Variants in RBFOX1 observed in about 807,000 individuals in gnomAD.
The protein encoded by RBFOX1 is RNA binding fox-1 homolog 1.
Under a neutral mutation model 57.7 loss-of-function variants are expected in RBFOX1, and 8 were observed. That is an observed-to-expected ratio of 0.14 (90% CI 0.08 to 0.25). The LOEUF is 0.25. RBFOX1 is among the 10% of genes least tolerant of loss of function. The pLI is 1.00. For missense variants in RBFOX1, 611 were observed against 548.5 expected (o/e 1.11, Z -1.14); for synonymous variants, 326 against 222.4 (o/e 1.47, Z -4.15).
intron 1 of RBFOX1, among the ~76,000 whole-genome samples, chr16:5,269,217 A>C (rs183637657): frequency 6.6e-6 from 1 of 152,290 alleles, no homozygotes; most frequent in Non-Finnish European, 1.5e-5. Context: ...GCACCAGGCC[A>C]ATTTTCTGTA....
intron 1 of RBFOX1, among the ~76,000 whole-genome samples, chr16:6,121,837 G>A (rs1249608926): frequency 1.3e-5 from 2 of 152,170 alleles, no homozygotes; most frequent in Non-Finnish European, 2.9e-5. Context: ...GGATGACTGT[G>A]GGATTAAGTG....
At chr16:7,564,182 C>T (rs1424967648) in intron 5 of RBFOX1, among the ~76,000 whole-genome samples, 2 of 152,066 alleles carry the variant, frequency 1.3e-5, no homozygotes, top group African/African-American at 4.8e-5. Context: ...CCCGATGAGA[C>T]AGTATCCATA....
chr16:6,085,891 C>T (rs2096076274), intron 1 of RBFOX1, among the ~76,000 whole-genome samples: 1 of 152,090 alleles, frequency 6.6e-6, no homozygotes, highest in East Asian at 1.9e-4. Context: ...TAAACGTGTG[C>T]TGTGGTGGTT....
intron 3 of RBFOX1, among the ~76,000 whole-genome samples, chr16:6,803,843 A>G (rs2086071649): frequency 6.6e-6 from 1 of 152,122 alleles, no homozygotes; most frequent in Non-Finnish European, 1.5e-5. Context: ...TTTTTCCTAA[A>G]GAACTCCTTT....
chr16:5,477,505 C>T (rs1348660490), intron 2 of RBFOX1, among the ~76,000 whole-genome samples: 2 of 152,204 alleles, frequency 1.3e-5, no homozygotes, highest in Admixed American at 1.3e-4. Flanking sequence ...AACGATCTTA[C>T]TTTGCATAAG....
At chr16:5,617,883 A>G (rs2048084542) in intron 3 of RBFOX1, among the ~76,000 whole-genome samples, 1 of 152,176 alleles carries the variant, frequency 6.6e-6, no homozygotes, top group Admixed American at 6.5e-5. Context: ...TATCTGTGAC[A>G]TTATGAAAGG....
intron 2 of RBFOX1, among the ~76,000 whole-genome samples, chr16:6,563,251 A>T (rs969056990): frequency 1.3e-5 from 2 of 152,182 alleles, no homozygotes; most frequent in Non-Finnish European, 2.9e-5. Context: ...TGCAACACGC[A>T]TGAGATTTAG....
intron 12 of RBFOX1, among the ~76,000 whole-genome samples, chr16:7,658,435 C>T (rs2066867127): frequency 6.6e-6 from 1 of 151,978 alleles, no homozygotes; most frequent in Non-Finnish European, 1.5e-5. Flanking sequence ...TGCATTTGAT[C>T]CTGGACTCAA....
At chr16:6,415,959 T>G (rs2093613540) in intron 2 of RBFOX1, among the ~76,000 whole-genome samples, 1 of 152,250 alleles carries the variant, frequency 6.6e-6, no homozygotes, top group Non-Finnish European at 1.5e-5. Flanking sequence ...TGTTTCCTTG[T>G]GCTTGTCACA....
chr16:6,848,381 C>A (rs890916070), intron 3 of RBFOX1, among the ~76,000 whole-genome samples: 1 of 152,052 alleles, frequency 6.6e-6, no homozygotes, highest in Non-Finnish European at 1.5e-5. Context: ...GAATGTTAGT[C>A]ACTAATACAA....
intron 4 of RBFOX1, among the ~76,000 whole-genome samples, chr16:7,355,156 T>C (rs1427160610): frequency 6.6e-6 from 1 of 152,182 alleles, no homozygotes. Context: ...TGTCAATTGC[T>C]GAAGTCCCAG....
intron 2 of RBFOX1, among the ~76,000 whole-genome samples, chr16:6,433,846 C>CTTTTTTT (rs201617630): frequency 3.1e-4 from 39 of 127,106 alleles, no homozygotes; most frequent in Non-Finnish European, 4.4e-4. Context: ...TTTCATTTTT[C>CTTTTTTT]TTTTTTTTTT....
At chr16:5,733,415 A>C (rs1469225110) in intron 3 of RBFOX1, among the ~76,000 whole-genome samples, 1 of 151,962 alleles carries the variant, frequency 6.6e-6, no homozygotes, top group Non-Finnish European at 1.5e-5. Context: ...CCGAAGATCA[A>C]CTCCAATGTG....
chr16:7,224,458 C>T (rs759036030), intron 4 of RBFOX1, among the ~76,000 whole-genome samples: 2 of 152,130 alleles, frequency 1.3e-5, no homozygotes, highest in African/African-American at 2.4e-5. Context: ...CCCAGTGCTT[C>T]TCAGTCTTGG....
At chr16:5,478,426 T>G (rs1165702039) in intron 2 of RBFOX1, among the ~76,000 whole-genome samples, 1 of 152,128 alleles carries the variant, frequency 6.6e-6, no homozygotes, top group African/African-American at 2.4e-5. Flanking sequence ...TGCAGCATTA[T>G]TGATTACCTG....
In RBFOX1 at chr16:6,153,205, A is replaced by G. The variant is rs138300424; in HGVS notation, c.-127+133213A>G. Reference sequence around the variant, plus strand: ...CCGATTTGTAGAAACACTAAGCAAAAGAAGTTCCAGAACAGAATTAAAACT... The same window carrying G: ...CCGATTTGTAGAAACACTAAGCAAAGGAAGTTCCAGAACAGAATTAAAACT... On this transcript the variant is annotated intron_variant, in intron 1 of 15. Coordinates refer to ENST00000550418, the MANE Select transcript of RBFOX1 (RefSeq NM_018723.4). 3.1e-3 allele frequency among the ~76,000 whole-genome samples: 473 copies of G among 152,240 alleles called. 3 individuals carry two copies. Among genetic ancestry groups the G allele is most frequent in the Non-Finnish European group, 4.0e-3 (273 of 68,012 alleles).
At chr16:6,752,392 G>A (rs2075091042) in intron 3 of RBFOX1, among the ~76,000 whole-genome samples, 1 of 152,172 alleles carries the variant, frequency 6.6e-6, no homozygotes, top group African/African-American at 2.4e-5. Flanking sequence ...TAGAGAGAAT[G>A]AAGCAAGAAA....
chr16:5,708,551 CAG>C (rs1391121974), intron 3 of RBFOX1, among the ~76,000 whole-genome samples: 14 of 152,198 alleles, frequency 9.2e-5, no homozygotes, highest in Non-Finnish European at 1.9e-4. Flanking sequence ...TTTATGAAAA[CAG>C]AATCCTGCTT....
intron 10 of RBFOX1, among the ~76,000 whole-genome samples, chr16:7,610,383 T>TA (rs937518308): frequency 6.8e-6 from 1 of 147,050 alleles, no homozygotes; most frequent in Non-Finnish European, 1.5e-5. Context: ...GTTTATTTAT[T>TA]TTTTTTTTTA....
Sources: allele counts gnomAD v4.1 joint callset (sites outside exome capture counted in the v4.1 genomes callset), GRCh38; gene constraint gnomAD v4.1.1; transcripts MANE v1.5; gene names NCBI Gene and HGNC (gene_info 2026-07-23, HGNC 2026-07-21).